Variants in POFUT2 observed in about 807,000 individuals in gnomAD.
POFUT2 encodes the protein protein O-fucosyltransferase 2.
Under a neutral mutation model 55.0 loss-of-function variants are expected in POFUT2, and 30 were observed. The observed-to-expected ratio is 0.55, with a 90% CI of 0.41 to 0.74. The LOEUF is 0.74. POFUT2 is among the 30% of genes least tolerant of loss of function. The pLI, the probability that POFUT2 is intolerant of heterozygous loss-of-function variation, is 0.00. For synonymous variants in POFUT2, 267 were observed against 231.1 expected (o/e 1.16, Z -1.41); for missense variants, 524 against 562.6 (o/e 0.93, Z 0.69).
Position 45,265,448 on chromosome 21 carries a change from G to C in POFUT2, c.*34C>G, listed in dbSNP as rs367592691. The stretch of plus-strand genomic sequence containing the variant: ...ACAGAACCTGCATCCACCCGCGCCT[G>C]TCGGGTCCGGGGAGCGGCCCTGGAG... On this transcript the variant is annotated 3_prime_UTR_variant, in exon 9 of 9. Coordinates refer to ENST00000349485, the MANE Select transcript of POFUT2 (RefSeq NM_133635.6). This position sits in a 1 kb window ranked among gnomAD's most constrained non-coding sequence, Gnocchi z 4.6. 12 of 1,575,494 alleles carry C rather than the reference G, an allele frequency of 7.6e-6. No individual in the cohort carries two copies. In the African/African-American group the frequency reaches 1.6e-4, roughly 21 times the overall value.
At chr21:45,287,029 A>C (rs912167916) in intron 1 of POFUT2, among the ~76,000 whole-genome samples, 1 of 152,062 alleles carries the variant, frequency 6.6e-6, no homozygotes, top group African/African-American at 2.4e-5. Flanking sequence ...CAGCCTGAGC[A>C]ACCCGGCCCC....
chr21:45,264,366 G>C lies in POFUT2; in HGVS notation c.*1116C>G, dbSNP rs966403785. On this transcript the variant is annotated 3_prime_UTR_variant, in exon 9 of 9. Coordinates refer to ENST00000349485, the MANE Select transcript of POFUT2 (RefSeq NM_133635.6). Reference sequence around the variant, plus strand: ...AGTCACAAAGGGTAACGGGCCAAGAGGGTGAGGGGGGCTCCCTGACCCTGA... The same window carrying C: ...AGTCACAAAGGGTAACGGGCCAAGACGGTGAGGGGGGCTCCCTGACCCTGA... 6.6e-6 allele frequency: 1 copy of C among 152,376 alleles called. No individual in the cohort carries two copies. Among genetic ancestry groups the C allele is most frequent in the African/African-American group, 2.4e-5 (1 of 41,476 alleles). 9.4% of individuals were successfully genotyped at this position (152,376 alleles called of 1,614,324 possible).
chr21:45,286,173 C>G (rs1368262296), intron 1 of POFUT2, among the ~76,000 whole-genome samples: 1 of 152,194 alleles, frequency 6.6e-6, no homozygotes, highest in African/African-American at 2.4e-5. Context: ...GCAGAGGAAT[C>G]CCAGTGACTG....
Position 45,282,357 on chromosome 21 carries a change from T to A in POFUT2, c.630A>T (p.Thr210=), listed in dbSNP as rs199643543. The A allele has an allele frequency of 6.2e-6, 10 of 1,608,616 alleles. No homozygotes were observed. In the African/African-American group the frequency reaches 8.0e-5, roughly 13 times the overall value. Residue 210 remains threonine (T), a synonymous_variant, in exon 4 of 9, where the codon ACA becomes ACT. Coordinates refer to ENST00000349485, the MANE Select transcript of POFUT2 (RefSeq NM_133635.6). This position sits in a 1 kb window ranked among gnomAD's most constrained non-coding sequence, Gnocchi z 4.6. ...GGGCCTGGGGCACTCACCGGGCTGATGTGTTTCTCAGCAGCAGGGGCGCCA... is the reference window on the plus strand; with the variant it reads ...GGGCCTGGGGCACTCACCGGGCTGAAGTGTTTCTCAGCAGCAGGGGCGCCA... The part of the protein sequence containing the change: ...SIVAPLLLRN[T]SARSVMLDRA...
At position 45,270,173 on chromosome 21, in the gene POFUT2, A is replaced by C. The variant is rs1367527828; in HGVS notation, c.832-154T>G. 2.3e-6 allele frequency: 1 copy of C among 428,088 alleles called. No homozygotes were observed. Among genetic ancestry groups the C allele is most frequent in the Admixed American group, 4.4e-5 (1 of 22,894 alleles). The allele number at this position is 428,088 out of a possible 1,614,324, so 26.5% of individuals were successfully genotyped here. On this transcript the variant is annotated intron_variant, in intron 6 of 8. Transcript: ENST00000349485. This position sits in a 1 kb window ranked among gnomAD's most constrained non-coding sequence, Gnocchi z 4.6. ...GGGCTGTCTAAGGGATTCAGGTGGA[A>C]TCTCGGGGGCGACCAGATGTCTTTC...
rs2093146569 is a variant in POFUT2 at position 45,265,638 on chromosome 21, G to A, written c.1137-3C>T. The A allele has an allele frequency of 6.2e-7, 1 of 1,610,430 alleles. No homozygotes were observed. The highest frequency in any genetic ancestry group is 8.5e-7 in the Non-Finnish European group (1 of 1,178,516). ...AGACTGAGGTGCCAATAAAAAACCT[G>A]CAAAGGATCACAGAGGTTCCAGAGT... On this transcript the variant is annotated splice_region_variant and splice_polypyrimidine_tract_variant and intron_variant, in intron 8 of 8. Coordinates refer to ENST00000349485, the MANE Select transcript of POFUT2 (RefSeq NM_133635.6). The surrounding 1 kb of genome is among the most constrained non-coding windows in gnomAD (Gnocchi z 4.6).
Position 45,267,857 on chromosome 21 carries a change from T to C in POFUT2, c.1013-144A>G. On this transcript the variant is annotated intron_variant, in intron 7 of 8. Coordinates refer to ENST00000349485, the MANE Select transcript of POFUT2 (RefSeq NM_133635.6). This position sits in a 1 kb window ranked among gnomAD's most constrained non-coding sequence, Gnocchi z 4.4. Reference sequence around the variant, plus strand: ...CAAAGGTGCAGACACACAACTCAGCTTTACCCTCCCAGGAATTACAGTTGA... The same window carrying C: ...CAAAGGTGCAGACACACAACTCAGCCTTACCCTCCCAGGAATTACAGTTGA... The C allele has an allele frequency of 1.4e-6, 1 of 708,030 alleles. No individual in the cohort carries two copies. Among genetic ancestry groups the C allele is most frequent in the Non-Finnish European group, 2.4e-6 (1 of 408,166 alleles). 43.9% of individuals were successfully genotyped at this position (708,030 alleles called of 1,614,324 possible).
At chr21:45,286,059 G>C (rs1006471498) in intron 1 of POFUT2, 131 bp from the exon 2 acceptor site, 6 of 740,544 alleles carry the variant, frequency 8.1e-6, no homozygotes, top group Non-Finnish European at 1.3e-5. Flanking sequence ...TGTGAAGGCA[G>C]TGAGTGGCCT....
chr21:45,265,842 G>C lies in POFUT2; in HGVS notation c.1137-207C>G. The C allele has an allele frequency of 7.2e-7, 1 of 1,391,296 alleles. No individual in the cohort carries two copies. The highest frequency in any genetic ancestry group is 9.3e-7 in the Non-Finnish European group (1 of 1,071,834). The allele number at this position is 1,391,296 out of a possible 1,614,324, so 86.2% of individuals were successfully genotyped here. ...GCCCTCGACATCGGCGCCCTGAGGG[G>C]CTCTGCCTGGTGCTGCAGCCCCATC... On this transcript the variant is annotated intron_variant, in intron 8 of 8. Transcript: ENST00000349485. This position sits in a 1 kb window ranked among gnomAD's most constrained non-coding sequence, Gnocchi z 4.6.
intron 6 of POFUT2, among the ~76,000 whole-genome samples, chr21:45,272,894 A>G (rs189358010): frequency 2.3e-4 from 35 of 152,330 alleles, no homozygotes; most frequent in Admixed American, 7.8e-4. Flanking sequence ...GGGACACAGC[A>G]AAAGTGGTGC....
chr21:45,283,230 C>CG, intron 3 of POFUT2, 153 bp downstream of exon 3: 1 of 398,598 alleles, frequency 2.5e-6, no homozygotes, highest in Non-Finnish European at 4.5e-6. Context: ...GACACCGTGG[C>CG]GGGGGGAGGC....
chr21:45,282,247 G>A lies in POFUT2; in HGVS notation c.638+102C>T. 5 of 769,940 alleles carry A rather than the reference G, an allele frequency of 6.5e-6. No individual in the cohort carries two copies. Among genetic ancestry groups the A allele is most frequent in the Non-Finnish European group, 8.8e-6 (4 of 453,318 alleles). The allele number at this position is 769,940 out of a possible 1,614,324, so 47.7% of individuals were successfully genotyped here. A position where few individuals can be genotyped will look rare whatever the true frequency, so the allele number is the denominator to read the frequency against. Reference sequence around the variant, plus strand: ...AGGGTCCGCTGTCTGTGAGGTGGGTGGGCCAGGGATGCGGGAGTATGGGCG... The same window carrying A: ...AGGGTCCGCTGTCTGTGAGGTGGGTAGGCCAGGGATGCGGGAGTATGGGCG... On this transcript the variant is annotated intron_variant, in intron 4 of 8. Transcript: ENST00000349485. The surrounding 1 kb of genome is among the most constrained non-coding windows in gnomAD (Gnocchi z 4.6).
chr21:45,276,920 G>A (rs2093269725), intron 6 of POFUT2, 97 bp downstream of exon 6: 10 of 1,380,226 alleles, frequency 7.2e-6, no homozygotes, highest in South Asian at 3.8e-5. Context: ...CCACAGACAC[G>A]CCAACCCTGC....
At chr21:45,272,345 C>T (rs576261220) in intron 6 of POFUT2, among the ~76,000 whole-genome samples, 11 of 152,262 alleles carry the variant, frequency 7.2e-5, no homozygotes, top group East Asian at 3.9e-4. Flanking sequence ...ATCAGTCCAA[C>T]GGGAGAATGC....
rs1555940842 is a variant in POFUT2, at chr21:45,264,213, T to TCCTC, written c.*1268_*1269insGAGG. ...TCCGAAAGGAAGAGCTGTCTGTCCC[T>TCCTC]CCTAACTGTCCTCTCTCTGTCACAG... On this transcript the variant is annotated 3_prime_UTR_variant, in exon 9 of 9. Transcript: ENST00000349485. 8.8e-6 allele frequency: 1 copy of TCCTC among 113,096 alleles called. No homozygotes were observed. Among genetic ancestry groups the TCCTC allele is most frequent in the Non-Finnish European group, 1.7e-5 (1 of 57,480 alleles). 7.0% of individuals were successfully genotyped at this position (113,096 alleles called of 1,614,324 possible).
chr21:45,280,285 A>T (rs1309226327), intron 4 of POFUT2, among the ~76,000 whole-genome samples: 2 of 152,152 alleles, frequency 1.3e-5, no homozygotes, highest in East Asian at 3.9e-4. Flanking sequence ...GACTACATTT[A>T]TCTTTTTCTT....
chr21:45,270,151 C>T lies in POFUT2; in HGVS notation c.832-132G>A. The T allele has an allele frequency of 1.8e-6, 1 of 558,294 alleles. No homozygotes were observed. The highest frequency in any genetic ancestry group is 2.9e-6 in the Non-Finnish European group (1 of 347,344). The allele number at this position is 558,294 out of a possible 1,614,324, so 34.6% of individuals were successfully genotyped here. On this transcript the variant is annotated intron_variant, in intron 6 of 8. Transcript: ENST00000349485. The surrounding 1 kb of genome is among the most constrained non-coding windows in gnomAD (Gnocchi z 4.6). ...CCTCCTCCACGGGGTGGCTCCAGGG[C>T]TGTCTAAGGGATTCAGGTGGAATCT...
In POFUT2 at chr21:45,280,676, C is replaced by T. The variant is rs148457618; in HGVS notation, c.638+1673G>A. 3.3e-4 allele frequency among the ~76,000 whole-genome samples: 48 copies of T among 147,346 alleles called. 1 individual carries two copies. The highest frequency in any genetic ancestry group is 9.3e-4 in the African/African-American group (38 of 40,906). On this transcript the variant is annotated intron_variant, in intron 4 of 8. Transcript: ENST00000349485. Reference sequence around the variant, plus strand: ...TGGACTCACCTCACCCCAGGCTGCCCGTCCCTCACTCGCTGAGTTTCGTCT... The same window carrying T: ...TGGACTCACCTCACCCCAGGCTGCCTGTCCCTCACTCGCTGAGTTTCGTCT...
rs984759562 is a variant in POFUT2, at chr21:45,281,949, C to G, written c.638+400G>C. Among the ~76,000 whole-genome samples the G allele has an allele frequency of 6.6e-6, 1 of 152,104 alleles. No homozygotes were observed. The highest frequency in any genetic ancestry group is 2.4e-5 in the African/African-American group (1 of 41,436). On this transcript the variant is annotated intron_variant, in intron 4 of 8. Transcript: ENST00000349485. The surrounding 1 kb of genome is among the most constrained non-coding windows in gnomAD (Gnocchi z 5.0). ...GTGGCTGCATGATCCTCCCCAGACC[C>G]GTGAGGCAGAAAACAGATCAAACAG...
Sources: allele counts gnomAD v4.1 joint callset (sites outside exome capture counted in the v4.1 genomes callset), GRCh38; gene constraint gnomAD v4.1.1; non-coding constraint Gnocchi (gnomAD v3.1); transcripts MANE v1.5; gene names NCBI Gene and HGNC (gene_info 2026-07-23, HGNC 2026-07-21).